Variants in NFIC observed in about 807,000 individuals in gnomAD.
NFIC encodes the protein nuclear factor 1 C-type.
NFIC carries 12 observed loss-of-function variants against 54.4 expected under a neutral mutation model. The observed-to-expected ratio is 0.22, with a 90% CI of 0.14 to 0.36. NFIC has a LOEUF of 0.36. Among genes scored for constraint, NFIC ranks in the 10% least tolerant of loss-of-function variants. The pLI is 1.00. For missense variants in NFIC, 575 were observed against 718.2 expected, an observed-to-expected ratio of 0.80 and a Z score of 2.28; for synonymous variants, 322 against 319.2, an observed-to-expected ratio of 1.01 and a Z score of -0.09.
intron 2 of NFIC, among the ~76,000 whole-genome samples, chr19:3,395,357 T>C (rs1375649955): frequency 6.6e-6 from 1 of 151,804 alleles, no homozygotes; most frequent in Non-Finnish European, 1.5e-5. Flanking sequence ...AGAATCTAAC[T>C]CTTTTGCCCA....
chr19:3,379,048 A>ATTTTTTTT (rs961307258), intron 1 of NFIC, among the ~76,000 whole-genome samples: 1 of 151,782 alleles, frequency 6.6e-6, no homozygotes, highest in East Asian at 1.9e-4. Flanking sequence ...TTTCGTAGTC[A>ATTTTTTTT]TTTTTTGTTT....
chr19:3,451,141 C>G (rs748195018), intron 7 of NFIC, among the ~76,000 whole-genome samples: 2 of 152,176 alleles, frequency 1.3e-5, no homozygotes, highest in African/African-American at 2.4e-5. Context: ...TGAAAACGCA[C>G]GAGGCTCTGA....
At position 3,377,554 on chromosome 19, in the gene NFIC, A is replaced by G. The variant is rs969635595; in HGVS notation, c.31-4158A>G. Among the ~76,000 whole-genome samples, 3 of 151,886 alleles carry G rather than the reference A, an allele frequency of 2.0e-5. No homozygotes were observed. In the East Asian group the frequency reaches 5.8e-4, roughly 29 times the overall value. On this transcript the variant is annotated intron_variant, in intron 1 of 10. Transcript: ENST00000443272. ...TTCTCTTTCTCTTCTTGTTCCTTGT[A>G]TTTATTCCACCTTGAGGCTGAGAAA...
At chr19:3,438,538 C>A (rs931270960) in intron 6 of NFIC, among the ~76,000 whole-genome samples, 7 of 151,390 alleles carry the variant, frequency 4.6e-5, no homozygotes, top group Non-Finnish European at 1.0e-4. Flanking sequence ...CCCGGGTTCA[C>A]GCCATTCTCC....
At chr19:3,360,210 G>A (rs1200632431) in intron 1 of NFIC, among the ~76,000 whole-genome samples, 1 of 145,718 alleles carries the variant, frequency 6.9e-6, no homozygotes, top group Non-Finnish European at 1.5e-5. Flanking sequence ...GCGGAGAGGG[G>A]CGGAGAGCGC....
chr19:3,360,920 G>A (rs1370460654), intron 1 of NFIC, among the ~76,000 whole-genome samples: 1 of 152,188 alleles, frequency 6.6e-6, no homozygotes, highest in Non-Finnish European at 1.5e-5. Context: ...TGCTGTGTGC[G>A]AGTGACTGGC....
At chr19:3,441,501 C>T (rs2082293204) in intron 6 of NFIC, among the ~76,000 whole-genome samples, 1 of 152,392 alleles carries the variant, frequency 6.6e-6, no homozygotes, top group African/African-American at 2.4e-5. Context: ...GGGCCTCTCC[C>T]CATCGCTGTG....
intron 2 of NFIC, among the ~76,000 whole-genome samples, chr19:3,402,026 CTCATT>C (rs1218779368): frequency 1.3e-5 from 2 of 151,126 alleles, no homozygotes; most frequent in Admixed American, 6.6e-5. Flanking sequence ...CCAGCCTATT[CTCATT>C]TATTTTCTTT....
chr19:3,366,852 C>G (rs531032442), intron 1 of NFIC, among the ~76,000 whole-genome samples, 186 bp downstream of exon 1: 1 of 151,884 alleles, frequency 6.6e-6, no homozygotes, highest in African/African-American at 2.4e-5. Context: ...GTACCCCCCC[C>G]ACACCCTTAC....
chr19:3,367,329 C>T (rs2080910136), intron 1 of NFIC, among the ~76,000 whole-genome samples: 1 of 152,180 alleles, frequency 6.6e-6, no homozygotes, highest in Admixed American at 6.5e-5. Flanking sequence ...CAGCACCGTC[C>T]CGGTATTTTC....
upstream of NFIC, among the ~76,000 whole-genome samples, chr19:3,365,854 C>G (rs1049046513): frequency 6.6e-6 from 1 of 152,126 alleles, no homozygotes; most frequent in African/African-American, 2.4e-5. Context: ...GCCCTTCTGG[C>G]CAAGGAAGGG....
chr19:3,366,536 G>T (rs1332263964), upstream of NFIC: 20 of 400,958 alleles, frequency 5.0e-5, no homozygotes, highest in African/African-American at 6.1e-4. Context: ...CCGCGGGGCG[G>T]GGGGGGGGGT....
intron 6 of NFIC, among the ~76,000 whole-genome samples, chr19:3,438,777 G>C (rs1354630530): frequency 6.6e-6 from 1 of 152,114 alleles, no homozygotes; most frequent in Non-Finnish European, 1.5e-5. Flanking sequence ...GCCCTCCTGT[G>C]TGCTGGCCCT....
upstream of NFIC, among the ~76,000 whole-genome samples, chr19:3,363,267 ATATTTTTTT>A (rs1392266348): frequency 8.5e-5 from 4 of 47,060 alleles, no homozygotes; most frequent in African/African-American, 4.9e-4. Flanking sequence ...ATATATATAT[ATATTTTTTT>A]TTTTTTTTTT....
intron 2 of NFIC, 35 bp from the exon 3 acceptor site, chr19:3,425,069 CTG>C: frequency 1.2e-6 from 2 of 1,609,658 alleles, no homozygotes; most frequent in Non-Finnish European, 1.7e-6. Context: ...GGTGGGGTCT[CTG>C]TGATGCCACC....
intron 6 of NFIC, among the ~76,000 whole-genome samples, chr19:3,439,672 G>A (rs551576043): frequency 6.7e-6 from 1 of 150,152 alleles, no homozygotes; most frequent in East Asian, 2.0e-4. Flanking sequence ...TCCCAGTGAA[G>A]AGAAAACACT....
upstream of NFIC, among the ~76,000 whole-genome samples, chr19:3,365,002 C>T (rs763358798): frequency 6.6e-6 from 1 of 152,120 alleles, no homozygotes; most frequent in Non-Finnish European, 1.5e-5. Flanking sequence ...ATTTATGGAC[C>T]GTTCGTGATG....
intron 2 of NFIC, among the ~76,000 whole-genome samples, chr19:3,382,467 G>A (rs1434611145): frequency 6.6e-6 from 1 of 152,146 alleles, no homozygotes; most frequent in Admixed American, 6.6e-5. Context: ...GGTCTGAGAG[G>A]GGAGGCGAGT....
intron 2 of NFIC, among the ~76,000 whole-genome samples, chr19:3,418,443 G>A (rs2081902285): frequency 1.3e-5 from 2 of 152,158 alleles, no homozygotes; most frequent in African/African-American, 2.4e-5. Flanking sequence ...AGTCATATGT[G>A]GCTGTGACCC....
Sources: gnomAD v4.1 joint callset for allele counts (sites outside exome capture counted in the v4.1 genomes callset) on GRCh38, gnomAD v4.1.1 for gene constraint, MANE v1.5 for transcripts, NCBI Gene and HGNC (gene_info 2026-07-23, HGNC 2026-07-21) for gene names.